GPI: variants seen among roughly 807,000 people sequenced by gnomAD.
GPI encodes the protein glucose-6-phosphate isomerase.
A neutral mutation model predicts 75.8 loss-of-function variants in GPI; 56 were observed. The ratio of observed to expected loss-of-function variants is 0.74; its 90% CI spans 0.60 to 0.92. GPI has a LOEUF of 0.92. Among genes scored for constraint, GPI ranks in the 40% least tolerant of loss-of-function variants. GPI has a pLI of 0.00. For synonymous variants in GPI, 288 were observed against 285.4 expected, an observed-to-expected ratio of 1.01 and a Z score of -0.09; for missense variants, 638 against 741.0, an observed-to-expected ratio of 0.86 and a Z score of 1.61.
chr19:34,395,411 C>T (rs767713636), intron 12 of GPI, among the ~76,000 whole-genome samples: 5 of 151,918 alleles, frequency 3.3e-5, no homozygotes, highest in East Asian at 1.9e-4. Flanking sequence ...CATGGTGGTG[C>T]GGCACCTATA....
chr19:34,395,364 C>T (rs1359518319), intron 12 of GPI, among the ~76,000 whole-genome samples: 1 of 151,128 alleles, frequency 6.6e-6, no homozygotes, highest in African/African-American at 2.4e-5. Flanking sequence ...GGCCCGGTCT[C>T]TACAAAAAAA....
upstream of GPI, chr19:34,364,921 C>T (rs2074330685): frequency 2.0e-6 from 3 of 1,498,060 alleles, no homozygotes; most frequent in Non-Finnish European, 2.7e-6. Flanking sequence ...TGGTAGCTCT[C>T]TGCAGCCTCC....
intron 4 of GPI, among the ~76,000 whole-genome samples, chr19:34,373,261 C>A (rs904493375): frequency 6.6e-6 from 1 of 151,532 alleles, no homozygotes; most frequent in African/African-American, 2.4e-5. Flanking sequence ...TAGTGGCAGG[C>A]GCCCATAATT....
intron 5 of GPI, 45 bp from the exon 6 acceptor site, chr19:34,377,690 C>T (rs117598185): frequency 9.3e-6 from 15 of 1,609,460 alleles, no homozygotes; most frequent in East Asian, 2.2e-5. Context: ...CTCCACTTTT[C>T]GTGGGCCCTG....
At position 34,377,727 on chromosome 19, in the gene GPI, C is replaced by T; in HGVS notation, c.487-8C>T. The T allele has an allele frequency of 4.3e-6, 7 of 1,613,796 alleles. No individual in the cohort carries two copies. The highest frequency in any genetic ancestry group is 5.9e-6 in the Non-Finnish European group (7 of 1,179,760). The stretch of plus-strand genomic sequence containing the variant: ...ATTCTTATTCTCTGATGCTATGTCT[C>T]CCCGCAGGGACCCCTCATGGTGACT... On this transcript the variant is annotated splice_region_variant and splice_polypyrimidine_tract_variant and intron_variant, in intron 5 of 17. Coordinates refer to ENST00000356487, the MANE Select transcript of GPI (RefSeq NM_000175.5).
chr19:34,378,438 C>T (rs2145363867), intron 6 of GPI, among the ~76,000 whole-genome samples: 1 of 152,230 alleles, frequency 6.6e-6, no homozygotes, highest in South Asian at 2.1e-4. Context: ...TGGTCTTGAA[C>T]TCCTGACCTC....
At chr19:34,398,908 T>C (rs1310414749) in intron 14 of GPI, 5 of 250,876 alleles carry the variant, frequency 2.0e-5, no homozygotes, top group African/African-American at 8.9e-5. Context: ...GGTTTCACCA[T>C]GTTGGTCAGG....
chr19:34,395,097 A>G (rs1170986226), intron 12 of GPI, among the ~76,000 whole-genome samples: 2 of 152,154 alleles, frequency 1.3e-5, no homozygotes, highest in African/African-American at 4.8e-5. Flanking sequence ...AGGCTTCACC[A>G]ACACCTGGAA....
chr19:34,365,868 C>T (rs779438190), intron 1 of GPI: 6 of 471,090 alleles, frequency 1.3e-5, no homozygotes, highest in Non-Finnish European at 2.1e-5. Context: ...GTGATTCCTG[C>T]AGAAGACACC....
intron 9 of GPI, among the ~76,000 whole-genome samples, chr19:34,386,552 G>T (rs2074737975): frequency 6.6e-6 from 1 of 152,220 alleles, no homozygotes; most frequent in Non-Finnish European, 1.5e-5. Context: ...TCAGGCACAG[G>T]AATGTGCCCC....
At position 34,377,861 on chromosome 19, in the gene GPI, C is replaced by G; in HGVS notation, c.613C>G (p.Leu205Val). The G allele has an allele frequency of 6.2e-7, 1 of 1,614,156 alleles. No homozygotes were observed. Among genetic ancestry groups the G allele is most frequent in the Non-Finnish European group, 8.5e-7 (1 of 1,180,008 alleles). Residue 205 changes from leucine (L) to valine (V), a missense_variant, in exon 6 of 18, where the codon CTG (leucine) becomes GTG (valine). Transcript: ENST00000356487. ...TLAQLNPESSLFIIASKTFTT... is the reference protein window; with the variant it reads ...TLAQLNPESSVFIIASKTFTT... Reference sequence around the variant, plus strand: ...GGCCCAGCTGAACCCCGAGTCCTCCCTGTTCATCATTGCCTCCAAGGTATG... The same window carrying G: ...GGCCCAGCTGAACCCCGAGTCCTCCGTGTTCATCATTGCCTCCAAGGTATG...
intron 4 of GPI, among the ~76,000 whole-genome samples, chr19:34,373,388 C>CA (rs756488685): frequency 1.3e-3 from 150 of 112,682 alleles, no homozygotes; most frequent in East Asian, 4.8e-3. Context: ...GACTCTGTCT[C>CA]AAAAAAAAAA....
chr19:34,366,439 A>G lies in GPI; in HGVS notation c.213+4A>G, dbSNP rs2074366671. 1 of 1,604,496 alleles carries G rather than the reference A, an allele frequency of 6.2e-7. No individual in the cohort carries two copies. On this transcript the variant is annotated splice_donor_region_variant and intron_variant, in intron 2 of 17. Coordinates refer to ENST00000356487, the MANE Select transcript of GPI (RefSeq NM_000175.5). ...GATGCGGATGCTGGTGGACTTGGTAATGTTCTGCTTGGGGAGGCATAACTG... is the reference window on the plus strand; with the variant it reads ...GATGCGGATGCTGGTGGACTTGGTAGTGTTCTGCTTGGGGAGGCATAACTG...
chr19:34,393,277 G>C lies in GPI; in HGVS notation c.834G>C (p.Ser278=). 1 of 1,613,582 alleles carries C rather than the reference G, an allele frequency of 6.2e-7. No homozygotes were observed. ...TGGGAGGACGCTACTCGCTGTGGTC[G>C]GCCATCGGACTCTCCATTGCCCTGC... ...DWVGGRYSLW[S]AIGLSIALHV... The change falls in exon 10 of 18, where the codon TCG becomes TCC. Residue 278 remains serine (S), a synonymous_variant. Transcript: ENST00000356487. This position sits in a 1 kb window ranked among gnomAD's most constrained non-coding sequence, Gnocchi z 4.4.
At chr19:34,362,229 G>A (rs2074305296), upstream of GPI, among the ~76,000 whole-genome samples, 1 of 152,124 alleles carries the variant, frequency 6.6e-6, no homozygotes, top group South Asian at 2.1e-4. Context: ...GGAGGTTGCA[G>A]GGAAGCAGAG....
chr19:34,389,146 T>C (rs1421082347), intron 9 of GPI, among the ~76,000 whole-genome samples: 4 of 152,036 alleles, frequency 2.6e-5, no homozygotes, highest in Admixed American at 2.6e-4. Context: ...TGTGAGAGCC[T>C]ATGTCAAGCA....
intron 9 of GPI, among the ~76,000 whole-genome samples, chr19:34,382,370 C>T (rs767623753): frequency 6.6e-6 from 1 of 152,182 alleles, no homozygotes; most frequent in Non-Finnish European, 1.5e-5. Flanking sequence ...CCTTTGAAAG[C>T]TCTAAAGGCC....
intron 9 of GPI, among the ~76,000 whole-genome samples, chr19:34,386,847 G>T (rs1246975343): frequency 1.3e-5 from 2 of 151,996 alleles, no homozygotes; most frequent in Non-Finnish European, 2.9e-5. Flanking sequence ...GGGACAGTGG[G>T]TTAGTCACAA....
At chr19:34,370,989 G>A (rs1413131757) in intron 4 of GPI, among the ~76,000 whole-genome samples, 1 of 152,262 alleles carries the variant, frequency 6.6e-6, no homozygotes, top group Non-Finnish European at 1.5e-5. Context: ...CAGTCCATGT[G>A]ATGGTCTTTG....
Sources: allele counts gnomAD v4.1 joint callset (sites outside exome capture counted in the v4.1 genomes callset), GRCh38; gene constraint gnomAD v4.1.1; non-coding constraint Gnocchi (gnomAD v3.1); transcripts MANE v1.5; gene names NCBI Gene and HGNC (gene_info 2026-07-23, HGNC 2026-07-21).